Variants in SLX4IP observed in about 807,000 individuals in gnomAD.
The protein encoded by SLX4IP is SLX4 interacting protein.
Under a neutral mutation model 32.9 loss-of-function variants are expected in SLX4IP, and 34 were observed. The ratio of observed to expected loss-of-function variants is 1.03; its 90% CI spans 0.79 to 1.38. SLX4IP has a LOEUF of 1.38. SLX4IP is among the 40% of genes most tolerant of loss of function. The pLI is 0.00. For missense variants in SLX4IP, 444 were observed against 479.0 expected (o/e 0.93, Z 0.68); for synonymous variants, 172 against 171.7 (o/e 1.00, Z -0.01).
rs117493832 is a variant in SLX4IP, at chr20:10,579,712, C to T, written c.238+18892C>T. ...AAGTGTTGGGATTACAGGCGTGAGC[C>T]ACCGTGCCTGGCCTCAATTCTGTTT... On this transcript the variant is annotated intron_variant, in intron 4 of 7. Transcript: ENST00000334534. 3.0e-3 allele frequency among the ~76,000 whole-genome samples: 464 copies of T among 152,310 alleles called. 3 individuals are homozygous for T. The highest frequency in any genetic ancestry group is 0.011 in the South Asian group (55 of 4,826).
At chr20:10,463,436 G>A (rs958807678) in intron 2 of SLX4IP, among the ~76,000 whole-genome samples, 2 of 152,260 alleles carry the variant, frequency 1.3e-5, no homozygotes, top group Middle Eastern at 3.4e-3. Context: ...GAGGAGGGGA[G>A]GAGGTCAGAG....
At chr20:10,608,805 G>A (rs1055802405) in intron 6 of SLX4IP, among the ~76,000 whole-genome samples, 5 of 151,902 alleles carry the variant, frequency 3.3e-5, no homozygotes, top group African/African-American at 1.2e-4. Flanking sequence ...TTAACAGACT[G>A]CTGTACAATC....
At chr20:10,588,829 G>C (rs1250193599) in intron 4 of SLX4IP, among the ~76,000 whole-genome samples, 2 of 152,172 alleles carry the variant, frequency 1.3e-5, no homozygotes, top group Admixed American at 6.5e-5. Context: ...CAAACTATCA[G>C]TTATAAGGTG....
chr20:10,540,101 TTCCTTCCTTCC>T lies in SLX4IP; in HGVS notation c.28-16128_28-16118del, dbSNP rs1568730741. On this transcript the variant is annotated intron_variant, in intron 2 of 7. Coordinates refer to ENST00000334534, the MANE Select transcript of SLX4IP (RefSeq NM_001009608.3). ...TCTTTTCTCTCCTTCCTTCCTTTCC[TTCCTTCCTTCC>T]TTCCTTCCTTCCTTCCTTCCTTCCT... is the stretch of plus-strand genomic sequence containing the variant. Among the ~76,000 whole-genome samples the T allele has an allele frequency of 6.9e-3, 616 of 88,704 alleles. 12 individuals carry two copies. The highest frequency in any genetic ancestry group is 0.019 in the African/African-American group (387 of 20,000). 58.2% of individuals were successfully genotyped at this position (88,704 alleles called of 152,430 possible).
At chr20:10,532,819 G>A (rs932660797) in intron 2 of SLX4IP, among the ~76,000 whole-genome samples, 3 of 150,988 alleles carry the variant, frequency 2.0e-5, no homozygotes, top group South Asian at 2.1e-4. Flanking sequence ...TCTGTCACCC[G>A]GGCTGGAGTG....
At chr20:10,495,670 T>C (rs1036617905) in intron 2 of SLX4IP, among the ~76,000 whole-genome samples, 3 of 152,174 alleles carry the variant, frequency 2.0e-5, no homozygotes, top group Non-Finnish European at 4.4e-5. Context: ...AAGTTCATGA[T>C]TATTCTATCA....
At chr20:10,481,766 T>C (rs1464026859) in intron 2 of SLX4IP, among the ~76,000 whole-genome samples, 5 of 152,192 alleles carry the variant, frequency 3.3e-5, no homozygotes, top group African/African-American at 1.2e-4. Context: ...TGAGAGCCCC[T>C]TGCTCAGGGT....
intron 2 of SLX4IP, among the ~76,000 whole-genome samples, chr20:10,512,755 GTA>G (rs1215458319): frequency 4.0e-5 from 3 of 74,110 alleles, no homozygotes; most frequent in African/African-American, 1.7e-4. Flanking sequence ...TATATTTTAT[GTA>G]TATATATACA....
intron 6 of SLX4IP, among the ~76,000 whole-genome samples, chr20:10,614,507 G>T (rs545115915): frequency 2.8e-4 from 42 of 152,138 alleles, no homozygotes; most frequent in Non-Finnish European, 5.3e-4. Context: ...AGGACTCTTG[G>T]AGTGACCAGT....
At chr20:10,600,813 T>C (rs1225396690) in intron 5 of SLX4IP, among the ~76,000 whole-genome samples, 1 of 152,104 alleles carries the variant, frequency 6.6e-6, no homozygotes, top group Non-Finnish European at 1.5e-5. Flanking sequence ...CTATCACAAA[T>C]ATCAGACATG....
chr20:10,496,187 G>T (rs1269389361), intron 2 of SLX4IP, among the ~76,000 whole-genome samples: 2 of 152,044 alleles, frequency 1.3e-5, no homozygotes, highest in Non-Finnish European at 2.9e-5. Flanking sequence ...TTATGCATGT[G>T]TCTGGGATAC....
chr20:10,508,849 C>T (rs1311012524), intron 2 of SLX4IP, among the ~76,000 whole-genome samples: 6 of 152,168 alleles, frequency 3.9e-5, no homozygotes, highest in African/African-American at 4.8e-5. Flanking sequence ...ATTCTGGGTA[C>T]AGCCAAAGAC....
At chr20:10,514,143 G>A (rs534058928) in intron 2 of SLX4IP, among the ~76,000 whole-genome samples, 3 of 152,280 alleles carry the variant, frequency 2.0e-5, no homozygotes, top group South Asian at 2.1e-4. Context: ...TGCAAAGAAG[G>A]GTGCCTCTAG....
Position 10,435,361 on chromosome 20 carries a change from T to C in SLX4IP, c.-122T>C, listed in dbSNP as rs988507873. 1 of 152,142 alleles carries C rather than the reference T, an allele frequency of 6.6e-6. No individual in the cohort carries two copies. The highest frequency in any genetic ancestry group is 1.5e-5 in the Non-Finnish European group (1 of 68,050). 9.4% of individuals were successfully genotyped at this position (152,142 alleles called of 1,614,324 possible). ...GCTGCAGTTCCGGCTACCTGTGTAG[T>C]CCGAGTTTCCACAGCCAGGTACTAC... On this transcript the variant is annotated 5_prime_UTR_variant, in exon 1 of 8. Coordinates refer to ENST00000334534, the MANE Select transcript of SLX4IP (RefSeq NM_001009608.3).
intron 2 of SLX4IP, 40 bp downstream of exon 2, chr20:10,458,271 A>G: frequency 5.9e-6 from 9 of 1,513,720 alleles, no homozygotes; most frequent in Non-Finnish European, 8.1e-6. Flanking sequence ...GAGGCTAATC[A>G]CTTTCTAATA....
intron 6 of SLX4IP, among the ~76,000 whole-genome samples, chr20:10,615,988 CCTGAATTTTGG>C (rs2067023130): frequency 6.6e-6 from 1 of 152,128 alleles, no homozygotes; most frequent in Non-Finnish European, 1.5e-5. Context: ...ATTGGCAGCA[CCTGAATTTTGG>C]AGGGGACACA....
chr20:10,480,173 G>A (rs1419160737), intron 2 of SLX4IP, among the ~76,000 whole-genome samples: 5 of 152,274 alleles, frequency 3.3e-5, no homozygotes, highest in South Asian at 2.1e-4. Context: ...TGGGCAGAAC[G>A]CTTGAACCCA....
chr20:10,450,835 T>A (rs996897797), intron 1 of SLX4IP, among the ~76,000 whole-genome samples: 1 of 152,154 alleles, frequency 6.6e-6, no homozygotes, highest in Non-Finnish European at 1.5e-5. Flanking sequence ...CACTGCAAGC[T>A]CCGCCTCCCG....
chr20:10,510,582 A>G (rs776366886), intron 2 of SLX4IP, among the ~76,000 whole-genome samples: 12 of 146,938 alleles, frequency 8.2e-5, no homozygotes, highest in Non-Finnish European at 1.3e-4. Flanking sequence ...TATTGTTGTT[A>G]TTATTATTAT....
Sources: gnomAD v4.1 joint callset for allele counts (sites outside exome capture counted in the v4.1 genomes callset) on GRCh38, gnomAD v4.1.1 for gene constraint, MANE v1.5 for transcripts, NCBI Gene and HGNC (gene_info 2026-07-23, HGNC 2026-07-21) for gene names.